RPS6KA5: variants seen among roughly 807,000 people sequenced by gnomAD.
RPS6KA5 encodes the protein ribosomal protein S6 kinase A5.
In RPS6KA5, 27 loss-of-function variants were observed where a neutral mutation model predicts 85.5. The observed-to-expected ratio is 0.32, with a 90% CI of 0.23 to 0.44. The LOEUF (loss-of-function observed/expected upper bound fraction) is 0.44. RPS6KA5 is among the 20% of genes least tolerant of loss of function. RPS6KA5 has a pLI of 1.00. For missense variants in RPS6KA5, 811 were observed against 980.9 expected (o/e 0.83, Z 2.31); for synonymous variants, 334 against 348.2 (o/e 0.96, Z 0.46).
At chr14:90,955,426 AT>A (rs1269609367) in intron 3 of RPS6KA5, among the ~76,000 whole-genome samples, 2 of 151,956 alleles carry the variant, frequency 1.3e-5, no homozygotes, top group African/African-American at 4.8e-5. Flanking sequence ...GGCTAAAATT[AT>A]TTTTTTGTGG....
intron 1 of RPS6KA5, among the ~76,000 whole-genome samples, chr14:91,038,594 A>G (rs2042487457): frequency 6.6e-6 from 1 of 152,218 alleles, no homozygotes; most frequent in African/African-American, 2.4e-5. Context: ...GTGATGCAAC[A>G]AGAGCTGAAG....
chr14:90,980,124 T>C (rs528557497), intron 2 of RPS6KA5, among the ~76,000 whole-genome samples: 1 of 152,308 alleles, frequency 6.6e-6, no homozygotes, highest in East Asian at 1.9e-4. Flanking sequence ...ATGACAACTT[T>C]TGGAACCTAA....
chr14:90,941,232 T>C (rs577704872), intron 5 of RPS6KA5, among the ~76,000 whole-genome samples: 1 of 152,308 alleles, frequency 6.6e-6, no homozygotes, highest in East Asian at 1.9e-4. Flanking sequence ...TTTTTTTAAA[T>C]GTGGCATCAT....
intron 11 of RPS6KA5, among the ~76,000 whole-genome samples, 200 bp from the exon 12 acceptor site, chr14:90,899,622 G>C (rs1424078094): frequency 1.3e-5 from 2 of 152,082 alleles, no homozygotes; most frequent in African/African-American, 4.8e-5. Context: ...TATTATTTCT[G>C]AGTCAGAAAA....
At chr14:90,985,362 A>G (rs1402681736) in intron 2 of RPS6KA5, among the ~76,000 whole-genome samples, 1 of 152,268 alleles carries the variant, frequency 6.6e-6, no homozygotes, top group East Asian at 1.9e-4. Flanking sequence ...TTGTGTGTGT[A>G]CACGTTTACA....
chr14:90,986,290 A>C (rs747890086), intron 2 of RPS6KA5, among the ~76,000 whole-genome samples: 2 of 152,212 alleles, frequency 1.3e-5, no homozygotes, highest in Non-Finnish European at 2.9e-5. Context: ...GTCATACGAG[A>C]GAATTTCTAC....
intron 2 of RPS6KA5, among the ~76,000 whole-genome samples, chr14:90,979,373 T>C (rs1009586338): frequency 6.6e-5 from 10 of 152,236 alleles, no homozygotes; most frequent in African/African-American, 1.9e-4. Context: ...CCCCACTTCA[T>C]CCCTACAAGG....
At chr14:90,976,202 GA>G (rs5810526) in intron 3 of RPS6KA5, among the ~76,000 whole-genome samples, 54,331 of 108,922 alleles carry the variant, frequency 0.5, 11,899 homozygotes, top group East Asian at 0.61. Context: ...TAAGAGAACA[GA>G]AAAAAAAAAA....
intron 7 of RPS6KA5, among the ~76,000 whole-genome samples, chr14:90,909,008 T>C (rs912844749): frequency 1.6e-4 from 24 of 152,248 alleles, no homozygotes; most frequent in African/African-American, 5.5e-4. Context: ...TGTTTGATGC[T>C]GTAATGTCGA....
In RPS6KA5 at chr14:90,869,403, T is replaced by C. The variant is rs995136501; in HGVS notation, c.*2671A>G. 3 of 152,312 alleles carry C rather than the reference T, an allele frequency of 2.0e-5. No homozygotes were observed. The highest frequency in any genetic ancestry group is 6.5e-5 in the Admixed American group (1 of 15,296). The allele number at this position is 152,312 out of a possible 1,614,324, so 9.4% of individuals were successfully genotyped here. A position where few individuals can be genotyped will look rare whatever the true frequency, so the allele number is the denominator to read the frequency against. ...GTAATTAGAAGAAACTGGTCTTTCT[T>C]AACATCTTTCCTCTATTATCTTCCT... is the stretch of plus-strand genomic sequence containing the variant. On this transcript the variant is annotated 3_prime_UTR_variant, in exon 17 of 17. Transcript: ENST00000614987.
rs144362192 is a variant in RPS6KA5, at chr14:90,886,326, A to G, written c.1836+4161T>C. Among the ~76,000 whole-genome samples the G allele has an allele frequency of 1.6e-3, 241 of 152,358 alleles. 1 individual carries two copies. Among genetic ancestry groups the G allele is most frequent in the African/African-American group, 5.5e-3 (230 of 41,574 alleles). Reference sequence around the variant, plus strand: ...AATAAAACACTTTAAACAAAATTTTATAACACTTCACAGGTATGTTATATA... The same window carrying G: ...AATAAAACACTTTAAACAAAATTTTGTAACACTTCACAGGTATGTTATATA... On this transcript the variant is annotated intron_variant, in intron 14 of 16. Transcript: ENST00000614987.
At chr14:90,881,162 A>G (rs2140161137) in intron 14 of RPS6KA5, among the ~76,000 whole-genome samples, 1 of 151,398 alleles carries the variant, frequency 6.6e-6, no homozygotes, top group Middle Eastern at 3.4e-3. Context: ...TTTAAAGTCT[A>G]TTTTGTGGCC....
chr14:91,021,721 A>C (rs2041789904), intron 1 of RPS6KA5, among the ~76,000 whole-genome samples: 1 of 152,120 alleles, frequency 6.6e-6, no homozygotes, highest in South Asian at 2.1e-4. Context: ...CCTTTCCCTA[A>C]TCATTTTAAT....
Position 90,894,492 on chromosome 14 carries a change from C to T in RPS6KA5, c.1565G>A (p.Ser522Asn). 1 of 1,614,184 alleles carries T rather than the reference C, an allele frequency of 6.2e-7. No homozygotes were observed. Among genetic ancestry groups the T allele is most frequent in the Non-Finnish European group, 8.5e-7 (1 of 1,180,042 alleles). Residue 522 changes from serine to asparagine, a missense_variant, in exon 13 of 17, where the codon AGC becomes AAC. Physicochemically the swap from Ser to Asn is conservative, Grantham distance 46. This residue lies in a region of RPS6KA5 where 650 missense variants were observed against 793.4 expected (regional missense o/e 0.82). Coordinates refer to ENST00000614987, the MANE Select transcript of RPS6KA5 (RefSeq NM_004755.4). ...TGAAACAAGCTTCCTCATGATGTAG[C>T]TGGCTTCCGTCTCACTGAAGTGCTT... ...KKKHFSETEA[S>N]YIMRKLVSAV...
chr14:91,011,441 G>A (rs988893851), intron 1 of RPS6KA5, among the ~76,000 whole-genome samples: 7 of 151,990 alleles, frequency 4.6e-5, no homozygotes, highest in Non-Finnish European at 4.4e-5. Context: ...AGCTGAGATC[G>A]CGCCACTGCA....
chr14:91,036,911 G>A (rs2042430970), intron 1 of RPS6KA5, among the ~76,000 whole-genome samples: 1 of 152,200 alleles, frequency 6.6e-6, no homozygotes, highest in Non-Finnish European at 1.5e-5. Context: ...CCTTGGAGCA[G>A]AAAGGAAAAG....
chr14:90,928,463 C>CTTTT (rs1306132629), intron 5 of RPS6KA5, among the ~76,000 whole-genome samples: 1 of 151,588 alleles, frequency 6.6e-6, no homozygotes, highest in Admixed American at 6.6e-5. Flanking sequence ...AAAGCTCTTT[C>CTTTT]TTATAAAAGA....
chr14:91,001,163 A>G lies in RPS6KA5; in HGVS notation c.104-4T>C, dbSNP rs756052031. 5.0e-6 allele frequency: 8 copies of G among 1,587,608 alleles called. No individual in the cohort carries two copies. The East Asian group carries it at 1.8e-4, about 36-fold the overall frequency. On this transcript the variant is annotated splice_polypyrimidine_tract_variant and splice_region_variant and intron_variant, in intron 1 of 16. Transcript: ENST00000614987. Reference sequence around the variant, plus strand: ...TCAGCATGTCCTGTCAAATTAGCTAAAAGAAAAAAAGAGGAAAAAAAAAAC... The same window carrying G: ...TCAGCATGTCCTGTCAAATTAGCTAGAAGAAAAAAAGAGGAAAAAAAAAAC...
At chr14:91,005,114 C>T (rs1223420855) in intron 1 of RPS6KA5, among the ~76,000 whole-genome samples, 1 of 152,168 alleles carries the variant, frequency 6.6e-6, no homozygotes, top group African/African-American at 2.4e-5. Flanking sequence ...CCAGTCATTA[C>T]AGTTTTAGCT....
Sources: gnomAD v4.1 joint callset for allele counts (sites outside exome capture counted in the v4.1 genomes callset) on GRCh38, gnomAD v4.1.1 for gene constraint, gnomAD v4.1.1 regional missense constraint, MANE v1.5 for transcripts, NCBI Gene and HGNC (gene_info 2026-07-23, HGNC 2026-07-21) for gene names.